Variants in A4GNT observed in about 807,000 individuals in gnomAD.
A4GNT encodes the protein alpha-1,4-N-acetylglucosaminyltransferase.
In A4GNT, 6 loss-of-function variants were observed where a neutral mutation model predicts 8.3. The observed-to-expected ratio is 0.72, with a 90% CI of 0.39 to 1.42. A4GNT has a LOEUF of 1.42. Among genes scored for constraint, A4GNT ranks in the 40% most tolerant of loss-of-function variants. The probability of loss-of-function intolerance (pLI) is 0.02; values close to 1 mark genes in which losing one functional copy is unlikely to be tolerated. For missense variants in A4GNT, 377 were observed against 417.0 expected, an observed-to-expected ratio of 0.90 and a Z score of 0.84; for synonymous variants, 157 against 159.8, an observed-to-expected ratio of 0.98 and a Z score of 0.13.
intron 2 of A4GNT, among the ~76,000 whole-genome samples, chr3:138,127,646 T>C (rs2107886109): frequency 6.6e-6 from 1 of 151,846 alleles, no homozygotes; most frequent in Middle Eastern, 3.4e-3. Flanking sequence ...AGGTTCTAGC[T>C]GCTCAGAGAA....
chr3:138,124,732 C>T lies in A4GNT; in HGVS notation c.555G>A (p.Gln185=). The change falls in exon 3 of 3, where the codon CAG becomes CAA. Residue 185 remains glutamine (Q), a synonymous_variant. Transcript: ENST00000236709. ...PIPEENFLAA[Q]ASRYSSNGIF... ...TTCCATTACTAGAGTACCGAGAAGCCTGCGCAGCCAAAAAGTTCTCCTCAG... is the reference window on the plus strand; with the variant it reads ...TTCCATTACTAGAGTACCGAGAAGCTTGCGCAGCCAAAAAGTTCTCCTCAG... The T allele has an allele frequency of 1.9e-6, 3 of 1,614,154 alleles. No individual in the cohort carries two copies. Among genetic ancestry groups the T allele is most frequent in the Non-Finnish European group, 2.5e-6 (3 of 1,180,004 alleles).
chr3:138,128,754 G>A (rs1426136556), intron 2 of A4GNT, among the ~76,000 whole-genome samples: 1 of 152,084 alleles, frequency 6.6e-6, no homozygotes, highest in Non-Finnish European at 1.5e-5. Context: ...CAAAGACCAA[G>A]CTGGGGTGTC....
In A4GNT at chr3:138,130,837, C is replaced by T; in HGVS notation, c.408+12G>A. ...CAATTCGTTGACATTTTAAGTTTCC[C>T]TAAACACTTACTTGATTGTACCATG... On this transcript the variant is annotated intron_variant, in intron 2 of 2. Transcript: ENST00000236709. 6.2e-7 allele frequency: 1 copy of T among 1,611,550 alleles called. No homozygotes were observed. Among genetic ancestry groups the T allele is most frequent in the Non-Finnish European group, 8.5e-7 (1 of 1,178,704 alleles).
At position 138,130,925 on chromosome 3, in the gene A4GNT, A is replaced by G. The variant is rs778394976; in HGVS notation, c.332T>C (p.Ile111Thr). Residue 111 changes from isoleucine to threonine, a missense_variant, in exon 2 of 3, where the codon ATA becomes ACA. Physicochemically the swap from Ile to Thr is moderately conservative, Grantham distance 89 (BLOSUM62 -1). Transcript: ENST00000236709. Reference sequence around the variant, plus strand: ...CAAAGGGAAGAGGAAAACGTTGTCTATTGCTGACAGGAAGGAAAAAGCTGG... The same window carrying G: ...CAAAGGGAAGAGGAAAACGTTGTCTGTTGCTGACAGGAAGGAAAAAGCTGG... ...TYPAFSFLSA[I>T]DNVFLFPLDM... 1.9e-6 allele frequency: 3 copies of G among 1,614,156 alleles called. No homozygotes were observed. Among genetic ancestry groups the G allele is most frequent in the South Asian group, 1.1e-5 (1 of 91,084 alleles).
At chr3:138,126,761 G>A (rs1289274239) in intron 2 of A4GNT, among the ~76,000 whole-genome samples, 1 of 150,748 alleles carries the variant, frequency 6.6e-6, no homozygotes, top group East Asian at 2.0e-4. Flanking sequence ...GGGAGGCGGA[G>A]GTTGCAGTGA....
In A4GNT at chr3:138,124,727, G is replaced by A; in HGVS notation, c.560C>T (p.Ser187Phe). The change falls in exon 3 of 3, where the codon TCT becomes TTT. Residue 187 changes from serine to phenylalanine, a missense_variant. Coordinates refer to ENST00000236709, the MANE Select transcript of A4GNT (RefSeq NM_016161.3). ...PEENFLAAQA[S>F]RYSSNGIFGF... ...AAATATTCCATTACTAGAGTACCGAGAAGCCTGCGCAGCCAAAAAGTTCTC... is the reference window on the plus strand; with the variant it reads ...AAATATTCCATTACTAGAGTACCGAAAAGCCTGCGCAGCCAAAAAGTTCTC... 6.2e-7 allele frequency: 1 copy of A among 1,614,180 alleles called. No individual in the cohort carries two copies. Among genetic ancestry groups the A allele is most frequent in the Non-Finnish European group, 8.5e-7 (1 of 1,180,016 alleles).
chr3:138,129,680 G>T (rs930416156), intron 2 of A4GNT, among the ~76,000 whole-genome samples: 8 of 152,084 alleles, frequency 5.3e-5, no homozygotes, highest in East Asian at 1.9e-4. Context: ...TAGCCCACAA[G>T]GCCGAAAATA....
chr3:138,124,988 C>T, intron 2 of A4GNT, 110 bp from the exon 3 acceptor site: 1 of 1,381,692 alleles, frequency 7.2e-7, no homozygotes, highest in Non-Finnish European at 9.6e-7. Flanking sequence ...AAGCCAGCTT[C>T]CCAAAATCCT....
upstream of A4GNT, among the ~76,000 whole-genome samples, chr3:138,133,020 C>T (rs2042787023): frequency 1.3e-5 from 2 of 152,320 alleles, no homozygotes; most frequent in South Asian, 2.1e-4. Context: ...TCACCTGTGG[C>T]CTATTCTCCA....
At chr3:138,128,610 A>G (rs1193831534) in intron 2 of A4GNT, among the ~76,000 whole-genome samples, 7 of 151,988 alleles carry the variant, frequency 4.6e-5, no homozygotes, top group Admixed American at 2.6e-4. Flanking sequence ...ACCTCCAACA[A>G]TGGAATTACA....
rs1354758401 is a variant in A4GNT at position 138,124,860 on chromosome 3, T to C, written c.427A>G (p.Arg143Gly). ...TCCGAGCTGATGTGGAGCCAGTTTCTCTCTGCGCTGGCGTTGATCTGCAGG... is the reference window on the plus strand; with the variant it reads ...TCCGAGCTGATGTGGAGCCAGTTTCCCTCTGCGCTGGCGTTGATCTGCAGG... ...WYNQINASAE[R>G]NWLHISSDAS... is the part of the protein sequence containing the mutation. Residue 143 changes from arginine to glycine, a missense_variant, in exon 3 of 3, where the codon AGA becomes GGA. Coordinates refer to ENST00000236709, the MANE Select transcript of A4GNT (RefSeq NM_016161.3). 1 of 1,612,058 alleles carries C rather than the reference T, an allele frequency of 6.2e-7. No individual in the cohort carries two copies. The highest frequency in any genetic ancestry group is 8.5e-7 in the Non-Finnish European group (1 of 1,179,264).
At chr3:138,131,583 A>T (rs1298766501) in intron 1 of A4GNT, among the ~76,000 whole-genome samples, 1 of 152,126 alleles carries the variant, frequency 6.6e-6, no homozygotes, top group Non-Finnish European at 1.5e-5. Context: ...GAAAAAGAAA[A>T]AGACAAGAAA....
rs372678410 is a variant in A4GNT at position 138,130,872 on chromosome 3, G to A, written c.385C>T (p.Pro129Ser). 2 of 1,614,078 alleles carry A rather than the reference G, an allele frequency of 1.2e-6. No individual in the cohort carries two copies. Among genetic ancestry groups the A allele is most frequent in the African/African-American group, 1.3e-5 (1 of 75,028 alleles). ...LDMKRLLEDTPLFSWYNQINA... is the reference protein window; with the variant it reads ...LDMKRLLEDTSLFSWYNQINA... The stretch of plus-strand genomic sequence containing the variant: ...ACTTGATTGTACCATGAAAACAATG[G>A]TGTGTCTTCAAGCAGCCTTTTCATA... Residue 129 changes from proline (P) to serine (S), a missense_variant, in exon 2 of 3, where the codon CCA (proline) becomes TCA (serine). Coordinates refer to ENST00000236709, the MANE Select transcript of A4GNT (RefSeq NM_016161.3).
chr3:138,128,704 A>G (rs2042760036), intron 2 of A4GNT, among the ~76,000 whole-genome samples: 1 of 152,146 alleles, frequency 6.6e-6, no homozygotes, highest in Non-Finnish European at 1.5e-5. Context: ...AAACTTGTAG[A>G]GTCCCAGAGC....
Position 138,131,237 on chromosome 3 carries a change from A to C in A4GNT, c.20T>G (p.Leu7Arg), listed in dbSNP as rs760968709. ...AAGCAGCAAGGTGACTGACAGGGAG[A>C]GCTGGAGCTCCTTCCGCATGTCCTC... The part of the protein sequence containing the change: MRKELQ[L>R]SLSVTLLLVC... The change falls in exon 2 of 3, where the codon CTC becomes CGC. Residue 7 changes from leucine (L) to arginine (R), a missense_variant. Transcript: ENST00000236709. The C allele has an allele frequency of 6.3e-7, 1 of 1,594,166 alleles. No homozygotes were observed. Among genetic ancestry groups the C allele is most frequent in the Non-Finnish European group, 8.6e-7 (1 of 1,164,412 alleles).
rs1442552539 is a variant in A4GNT, at chr3:138,124,723, C to A, written c.564G>T (p.Arg188=). The change falls in exon 3 of 3, where the codon CGG becomes CGT. Residue 188 remains arginine (R), a synonymous_variant. Coordinates refer to ENST00000236709, the MANE Select transcript of A4GNT (RefSeq NM_016161.3). ...EENFLAAQAS[R]YSSNGIFGFL... ...ACCCAAATATTCCATTACTAGAGTA[C>A]CGAGAAGCCTGCGCAGCCAAAAAGT... The A allele has an allele frequency of 3.7e-6, 6 of 1,614,198 alleles. No homozygotes were observed. In the South Asian group the frequency reaches 6.6e-5, roughly 18 times the overall value.
intron 2 of A4GNT, among the ~76,000 whole-genome samples, chr3:138,128,751 C>T (rs896965460): frequency 6.6e-6 from 1 of 152,054 alleles, no homozygotes; most frequent in Non-Finnish European, 1.5e-5. Flanking sequence ...CCACAAAGAC[C>T]AAGCTGGGGT....
intron 2 of A4GNT, among the ~76,000 whole-genome samples, chr3:138,125,711 T>C (rs892106329): frequency 1.1e-4 from 17 of 152,210 alleles, no homozygotes; most frequent in Admixed American, 9.2e-4. Context: ...GTAGAGATTG[T>C]CCACCAGTGT....
At position 138,124,898 on chromosome 3, in the gene A4GNT, T is replaced by G. The variant is rs376397381; in HGVS notation, c.409-20A>C. Reference sequence around the variant, plus strand: ...GTTGATCTGCAGGAGCAGGTGCAAATCAGCCCCAAGTAGCCAGGGGAAGAG... The same window carrying G: ...GTTGATCTGCAGGAGCAGGTGCAAAGCAGCCCCAAGTAGCCAGGGGAAGAG... On this transcript the variant is annotated intron_variant, in intron 2 of 2. Transcript: ENST00000236709. The G allele has an allele frequency of 6.2e-7, 1 of 1,601,488 alleles. No homozygotes were observed. The highest frequency in any genetic ancestry group is 8.5e-7 in the Non-Finnish European group (1 of 1,172,688).
Sources: gnomAD v4.1 joint callset for allele counts (sites outside exome capture counted in the v4.1 genomes callset) on GRCh38, gnomAD v4.1.1 for gene constraint, MANE v1.5 for transcripts, NCBI Gene and HGNC (gene_info 2026-07-23, HGNC 2026-07-21) for gene names.